CRX: variants seen among roughly 807,000 people sequenced by gnomAD.
CRX encodes cone-rod homeobox.
CRX carries 5 observed loss-of-function variants against 13.1 expected under a neutral mutation model. The ratio of observed to expected loss-of-function variants is 0.38; its 90% CI spans 0.20 to 0.80. The LOEUF is 0.80. CRX is among the 30% of genes least tolerant of loss of function. The probability of loss-of-function intolerance (pLI) is 0.43; values close to 1 mark genes in which losing one functional copy is unlikely to be tolerated. For synonymous variants in CRX, 179 were observed against 171.1 expected, an observed-to-expected ratio of 1.05 and a Z score of -0.36; for missense variants, 351 against 391.8, an observed-to-expected ratio of 0.90 and a Z score of 0.88.
chr19:47,831,344 A>G lies in CRX; in HGVS notation c.-35-3065A>G, dbSNP rs868536035. Among the ~76,000 whole-genome samples, 11 of 151,142 alleles carry G rather than the reference A, an allele frequency of 7.3e-5. 1 individual carries two copies. The highest frequency in any genetic ancestry group is 3.4e-3 in the Middle Eastern group (1 of 292). On this transcript the variant is annotated intron_variant, in intron 1 of 3. Transcript: ENST00000221996. ...AAAAAAAAAGAATAGTAAATCAAAT[A>G]CAGGTACAGTCCCTTAGAATAGGGT...
rs1219789943 is a variant in CRX at position 47,842,756 on chromosome 19, G to A, written c.*2789G>A. 1 of 152,188 alleles carries A rather than the reference G, an allele frequency of 6.6e-6. No individual in the cohort carries two copies. Among genetic ancestry groups the A allele is most frequent in the Non-Finnish European group, 1.5e-5 (1 of 68,048 alleles). The allele number at this position is 152,188 out of a possible 1,614,324, so 9.4% of individuals were successfully genotyped here. On this transcript the variant is annotated 3_prime_UTR_variant, in exon 4 of 4. Transcript: ENST00000221996. ...TGTGCCCTGGGTCTGTGCAAACGTT[G>A]GGACCAGAATCCACTATAAGTTTCA...
chr19:47,837,945 T>C (rs1022869503), intron 3 of CRX, among the ~76,000 whole-genome samples: 13 of 152,128 alleles, frequency 8.5e-5, no homozygotes, highest in African/African-American at 2.9e-4. Context: ...TATGTATGTA[T>C]AATTGTATGC....
At chr19:47,836,493 T>C in intron 3 of CRX, 99 bp downstream of exon 3, 1 of 1,506,956 alleles carries the variant, frequency 6.6e-7, no homozygotes, top group Admixed American at 1.7e-5. Context: ...GATCACAGAG[T>C]GACAGCCAAA....
At position 47,841,800 on chromosome 19, in the gene CRX, T is replaced by C. The variant is rs1474371322; in HGVS notation, c.*1833T>C. 3 of 151,764 alleles carry C rather than the reference T, an allele frequency of 2.0e-5. No homozygotes were observed. Among genetic ancestry groups the C allele is most frequent in the African/African-American group, 7.3e-5 (3 of 41,276 alleles). The allele number at this position is 151,764 out of a possible 1,614,324, so 9.4% of individuals were successfully genotyped here. A position where few individuals can be genotyped will look rare whatever the true frequency, so the allele number is the denominator to read the frequency against. On this transcript the variant is annotated 3_prime_UTR_variant, in exon 4 of 4. Coordinates refer to ENST00000221996, the MANE Select transcript of CRX (RefSeq NM_000554.6). ...TCAGTCCGAGTTCTCCTTTCATTTTTGGGTGGGGAGGCGGGTTCCAAGAGC... is the reference window on the plus strand; with the variant it reads ...TCAGTCCGAGTTCTCCTTTCATTTTCGGGTGGGGAGGCGGGTTCCAAGAGC...
Position 47,841,089 on chromosome 19 carries a change from G to C in CRX, c.*1122G>C, listed in dbSNP as rs73576710. Reference sequence around the variant, plus strand: ...CCAAAGACAGACTTTAAGAAGCCCCGTCGGGAAACCTTAGGCCAATGATGT... The same window carrying C: ...CCAAAGACAGACTTTAAGAAGCCCCCTCGGGAAACCTTAGGCCAATGATGT... On this transcript the variant is annotated 3_prime_UTR_variant, in exon 4 of 4. Transcript: ENST00000221996. 26,875 of 152,050 alleles carry C rather than the reference G, an allele frequency of 0.18. 2,591 individuals are homozygous for C. The highest frequency in any genetic ancestry group is 0.24 in the Middle Eastern group (70 of 296). The allele number at this position is 152,050 out of a possible 1,614,324, so 9.4% of individuals were successfully genotyped here. A position where few individuals can be genotyped will look rare whatever the true frequency, so the allele number is the denominator to read the frequency against.
chr19:47,830,716 A>G (rs1417663882), intron 1 of CRX, among the ~76,000 whole-genome samples: 4 of 151,546 alleles, frequency 2.6e-5, no homozygotes, highest in Admixed American at 6.6e-5. Flanking sequence ...GAATAACTTG[A>G]ACCCAGGAGG....
intron 1 of CRX, among the ~76,000 whole-genome samples, chr19:47,831,269 T>C (rs1968040916): frequency 1.5e-5 from 2 of 134,246 alleles, no homozygotes; most frequent in South Asian, 2.3e-4. Context: ...ATCGCGCCAC[T>C]GCACTTTAGC....
At chr19:47,837,629 T>C (rs1172606384) in intron 3 of CRX, among the ~76,000 whole-genome samples, 3 of 146,064 alleles carry the variant, frequency 2.1e-5, no homozygotes, top group African/African-American at 7.4e-5. Context: ...TATAATTGTA[T>C]ATTTGTATGT....
Position 47,842,312 on chromosome 19 carries a change from T to A in CRX, c.*2345T>A, listed in dbSNP as rs1397952241. On this transcript the variant is annotated 3_prime_UTR_variant, in exon 4 of 4. Coordinates refer to ENST00000221996, the MANE Select transcript of CRX (RefSeq NM_000554.6). ...AAGCCCAGGAGTGGGCCGGGTGCGGTGGCTCACGCCTGTAATCCCAGCACT... is the reference window on the plus strand; with the variant it reads ...AAGCCCAGGAGTGGGCCGGGTGCGGAGGCTCACGCCTGTAATCCCAGCACT... 1 of 152,352 alleles carries A rather than the reference T, an allele frequency of 6.6e-6. No individual in the cohort carries two copies. Among genetic ancestry groups the A allele is most frequent in the Non-Finnish European group, 1.5e-5 (1 of 68,188 alleles). The allele number at this position is 152,352 out of a possible 1,614,324, so 9.4% of individuals were successfully genotyped here. A position where few individuals can be genotyped will look rare whatever the true frequency, so the allele number is the denominator to read the frequency against.
chr19:47,839,222 C>A lies in CRX; in HGVS notation c.253-98C>A. On this transcript the variant is annotated intron_variant, in intron 3 of 3. Transcript: ENST00000221996. This position sits in a 1 kb window ranked among gnomAD's most constrained non-coding sequence, Gnocchi z 4.6. ...GCAAAGTAGACAGATGTGAACCCAG[C>A]ACCTCTCACCAATAAGTGTCCTCAT... 1 of 1,312,710 alleles carries A rather than the reference C, an allele frequency of 7.6e-7. No homozygotes were observed. The highest frequency in any genetic ancestry group is 1.1e-6 in the Non-Finnish European group (1 of 950,730). 81.3% of individuals were successfully genotyped at this position (1,312,710 alleles called of 1,614,324 possible).
At chr19:47,838,966 A>C (rs1395885307) in intron 3 of CRX, among the ~76,000 whole-genome samples, 1 of 151,582 alleles carries the variant, frequency 6.6e-6, no homozygotes, top group Non-Finnish European at 1.5e-5. Flanking sequence ...TTTGTATTAG[A>C]TGGGTGGATG....
chr19:47,840,050 A>G lies in CRX; in HGVS notation c.*83A>G, dbSNP rs554988994. ...GCTTCCCTGCAGTTTAGATCCCGGG[A>G]TGGCATTCCTGAGAAAGCAACCCGA... On this transcript the variant is annotated 3_prime_UTR_variant, in exon 4 of 4. Transcript: ENST00000221996. 1.9e-6 allele frequency: 3 copies of G among 1,555,596 alleles called. No homozygotes were observed. The highest frequency in any genetic ancestry group is 1.4e-5 in the African/African-American group (1 of 73,956).
intron 1 of CRX, among the ~76,000 whole-genome samples, chr19:47,827,812 T>G (rs1330627908): frequency 2.9e-5 from 3 of 104,882 alleles, no homozygotes; most frequent in Non-Finnish European, 5.2e-5. Flanking sequence ...CAAGAGCCCC[T>G]GCTCCTGGCC....
rs1599991237 is a variant in CRX at position 47,839,440 on chromosome 19, C to T, written c.373C>T (p.Pro125Ser). ...TGCCAAGAGGAAGGCGGGCACGTCCCCAAGACCCTCCACAGATGTGTGTCC... is the reference window on the plus strand; with the variant it reads ...TGCCAAGAGGAAGGCGGGCACGTCCTCAAGACCCTCCACAGATGTGTGTCC... ...RPAKRKAGTSPRPSTDVCPDP... is the reference protein window; with the variant it reads ...RPAKRKAGTSSRPSTDVCPDP... The change falls in exon 4 of 4, where the codon CCA (proline) becomes TCA (serine). Residue 125 changes from proline to serine, a missense_variant. Physicochemically the swap from Pro to Ser is moderately conservative, Grantham distance 74. Transcript: ENST00000221996. This position sits in a 1 kb window ranked among gnomAD's most constrained non-coding sequence, Gnocchi z 4.6. 6.2e-7 allele frequency: 1 copy of T among 1,613,980 alleles called. No individual in the cohort carries two copies. The highest frequency in any genetic ancestry group is 8.5e-7 in the Non-Finnish European group (1 of 1,179,918).
At chr19:47,837,995 G>A (rs1385017937) in intron 3 of CRX, among the ~76,000 whole-genome samples, 1 of 152,012 alleles carries the variant, frequency 6.6e-6, no homozygotes, top group Admixed American at 6.6e-5. Flanking sequence ...TTACATATAT[G>A]TGCATACACA....
In CRX at chr19:47,822,498, G is replaced by A. The variant is rs898040829; in HGVS notation, c.-36+488G>A. 3.9e-5 allele frequency among the ~76,000 whole-genome samples: 6 copies of A among 152,206 alleles called. No individual in the cohort carries two copies. The East Asian group carries it at 9.6e-4, about 24-fold the overall frequency. Reference sequence around the variant, plus strand: ...GTGTGGTTGGGATTTGCCTAAATATGTGTTGCATAGATGGATGGATGAATG... The same window carrying A: ...GTGTGGTTGGGATTTGCCTAAATATATGTTGCATAGATGGATGGATGAATG... On this transcript the variant is annotated intron_variant, in intron 1 of 3. Coordinates refer to ENST00000221996, the MANE Select transcript of CRX (RefSeq NM_000554.6).
In CRX at chr19:47,834,506, C is replaced by G; in HGVS notation, c.63C>G (p.Pro21=). The change falls in exon 2 of 4, where the codon CCC becomes CCG. Residue 21 remains proline (P), a synonymous_variant. Transcript: ENST00000221996. ...TCAACGCCTTGGCCCTAAGTGGCCC[C>G]AGTGTGGATCTGATGCACCAGGCTG... ...YSVNALALSG[P]SVDLMHQAVP... The G allele has an allele frequency of 6.2e-7, 1 of 1,614,162 alleles. No individual in the cohort carries two copies.
intron 1 of CRX, among the ~76,000 whole-genome samples, chr19:47,828,893 A>AACACACACAC (rs59471457): frequency 1.5e-5 from 2 of 134,050 alleles, no homozygotes; most frequent in Non-Finnish European, 3.2e-5. Flanking sequence ...TTTTGACAAG[A>AACACACACAC]ACACACACAC....
At chr19:47,831,973 A>C (rs61461491) in intron 1 of CRX, among the ~76,000 whole-genome samples, 2 of 146,128 alleles carry the variant, frequency 1.4e-5, no homozygotes, top group Non-Finnish European at 1.5e-5. Flanking sequence ...TCCCGACCTC[A>C]GGTGATCCGC....
Sources: gnomAD v4.1 joint callset for allele counts (sites outside exome capture counted in the v4.1 genomes callset) on GRCh38, gnomAD v4.1.1 for gene constraint, Gnocchi (gnomAD v3.1) non-coding constraint, MANE v1.5 for transcripts, NCBI Gene and HGNC (gene_info 2026-07-23, HGNC 2026-07-21) for gene names.